EIF4G3: variants seen among roughly 807,000 people sequenced by gnomAD.
The protein encoded by EIF4G3 is eIF-4-gamma 3.
In EIF4G3, 34 loss-of-function variants were observed where a neutral mutation model predicts 186.4. That is an observed-to-expected ratio of 0.18 (90% confidence interval 0.14 to 0.24). The LOEUF (loss-of-function observed/expected upper bound fraction) is 0.24. Among genes scored for constraint, EIF4G3 ranks in the 10% least tolerant of loss-of-function variants. EIF4G3 has a pLI of 1.00. For synonymous variants in EIF4G3, 673 were observed against 679.5 expected (o/e 0.99, Z 0.15); for missense variants, 1,536 against 1,948.5 (o/e 0.79, Z 3.99).
At chr1:21,062,121 C>T (rs1571927049) in intron 3 of EIF4G3, among the ~76,000 whole-genome samples, 1 of 151,946 alleles carries the variant, frequency 6.6e-6, no homozygotes, top group South Asian at 2.1e-4. Flanking sequence ...CATAGTAGTG[C>T]GATCATAGCC....
chr1:21,157,705 CATTAATT>C (rs2097689046), intron 2 of EIF4G3, among the ~76,000 whole-genome samples: 1 of 152,150 alleles, frequency 6.6e-6, no homozygotes, highest in South Asian at 2.1e-4. Context: ...ATATTTGCTC[CATTAATT>C]ATTGACTAAA....
At chr1:21,107,606 T>C (rs1463374062) in intron 2 of EIF4G3, among the ~76,000 whole-genome samples, 2 of 152,216 alleles carry the variant, frequency 1.3e-5, no homozygotes, top group East Asian at 3.8e-4. Context: ...GTCCAATGTA[T>C]AAAGTTTTAT....
intron 2 of EIF4G3, among the ~76,000 whole-genome samples, chr1:21,106,610 CAGG>C (rs2096623078): frequency 6.6e-6 from 1 of 151,904 alleles, no homozygotes; most frequent in Non-Finnish European, 1.5e-5. Context: ...ATGAAAAATC[CAGG>C]AGGAGATGTA....
chr1:21,106,024 G>A (rs2096611227), intron 2 of EIF4G3, among the ~76,000 whole-genome samples: 1 of 151,824 alleles, frequency 6.6e-6, no homozygotes, highest in African/African-American at 2.4e-5. Flanking sequence ...CTATGAATGT[G>A]CCACTGCACT....
intron 14 of EIF4G3, among the ~76,000 whole-genome samples, chr1:20,936,528 T>G (rs754829751): frequency 5.9e-5 from 9 of 152,228 alleles, no homozygotes; most frequent in Non-Finnish European, 1.0e-4. Context: ...AATCTACTTT[T>G]GGCCCCAGCG....
chr1:20,836,515 G>A (rs1043264885), intron 30 of EIF4G3, among the ~76,000 whole-genome samples: 6 of 152,208 alleles, frequency 3.9e-5, no homozygotes, highest in Admixed American at 3.3e-4. Context: ...CCTGGTAGCT[G>A]AGATTACAGG....
chr1:20,909,166 A>T (rs1034474214), intron 14 of EIF4G3, among the ~76,000 whole-genome samples: 2 of 152,044 alleles, frequency 1.3e-5, no homozygotes, highest in African/African-American at 4.8e-5. Context: ...AAAAAAAAAG[A>T]ATATGGAGAA....
chr1:21,085,274 T>C (rs982777652), intron 3 of EIF4G3, among the ~76,000 whole-genome samples: 1 of 152,142 alleles, frequency 6.6e-6, no homozygotes, highest in Admixed American at 6.6e-5. Context: ...CTTAGGTAAT[T>C]AGAAAACATT....
intron 3 of EIF4G3, among the ~76,000 whole-genome samples, chr1:21,078,195 T>C (rs1362343021): frequency 2.6e-5 from 4 of 152,202 alleles, no homozygotes; most frequent in Admixed American, 1.3e-4. Flanking sequence ...CTATTCACAA[T>C]AGCCAAGATG....
At chr1:20,859,539 T>C (rs1262938022) in intron 24 of EIF4G3, among the ~76,000 whole-genome samples, 2 of 152,226 alleles carry the variant, frequency 1.3e-5, no homozygotes, top group Non-Finnish European at 2.9e-5. Context: ...GTAAATGGAC[T>C]ATCGTCTCAG....
At position 21,176,246 on chromosome 1, in the gene EIF4G3, C is replaced by CGCCGCCGCCGCCGCCGCCGCTGCT. The variant is rs760373868; in HGVS notation, c.-367_-344dup. On this transcript the variant is annotated 5_prime_UTR_variant, in exon 2 of 37. Coordinates refer to ENST00000602326, the MANE Select transcript of EIF4G3 (RefSeq NM_001391906.1). ...GGGGGACCGCTGCCGCCGCCGCCGC[C>CGCCGCCGCCGCCGCCGCCGCTGCT]GCCGCCGCCGCCGCCGCCGCTGCTG... 5.3e-6 allele frequency: 2 copies of CGCCGCCGCCGCCGCCGCCGCTGCT among 374,070 alleles called. No individual in the cohort carries two copies. Among genetic ancestry groups the CGCCGCCGCCGCCGCCGCCGCTGCT allele is most frequent in the African/African-American group, 2.2e-5 (1 of 46,046 alleles). The allele number at this position is 374,070 out of a possible 1,614,324, so 23.2% of individuals were successfully genotyped here. A position where few individuals can be genotyped will look rare whatever the true frequency, so the allele number is the denominator to read the frequency against.
rs11432023 is a variant in EIF4G3, at chr1:21,129,315, C to CAA, written c.-271-40104_-271-40103dup. On this transcript the variant is annotated intron_variant, in intron 2 of 36. Coordinates refer to ENST00000602326, the MANE Select transcript of EIF4G3 (RefSeq NM_001391906.1). ...GGGCAACAAGAGCGAAACTCTATCT[C>CAA]AAAAAAAAAAAAACTGCTAAAAGTT... Among the ~76,000 whole-genome samples, 1,343 of 144,456 alleles carry CAA rather than the reference C, an allele frequency of 9.3e-3. 10 individuals carry two copies. The highest frequency in any genetic ancestry group is 0.017 in the African/African-American group (646 of 38,978). The allele number at this position is 144,456 out of a possible 152,430, so 94.8% of individuals were successfully genotyped here.
intron 2 of EIF4G3, among the ~76,000 whole-genome samples, chr1:21,130,963 T>C (rs535111081): frequency 1.9e-4 from 29 of 152,180 alleles, no homozygotes; most frequent in African/African-American, 6.0e-4. Context: ...CCAGGCACGG[T>C]GGCTCATACC....
chr1:20,877,714 C>T (rs2081264553), intron 20 of EIF4G3, among the ~76,000 whole-genome samples: 1 of 152,158 alleles, frequency 6.6e-6, no homozygotes, highest in East Asian at 1.9e-4. Flanking sequence ...TAATTTTATC[C>T]TTATAATATT....
intron 2 of EIF4G3, among the ~76,000 whole-genome samples, chr1:21,123,031 G>A (rs1225164973): frequency 4.6e-5 from 7 of 152,156 alleles, no homozygotes; most frequent in Non-Finnish European, 8.8e-5. Context: ...TATACAGCTT[G>A]ATGGCCAGGC....
intron 2 of EIF4G3, among the ~76,000 whole-genome samples, chr1:21,104,493 A>C (rs749412796): frequency 5.3e-5 from 8 of 152,254 alleles, no homozygotes; most frequent in Non-Finnish European, 1.2e-4. Flanking sequence ...TAATCATTAG[A>C]GAAATGCAAA....
chr1:20,917,062 TG>T (rs1260395227), intron 14 of EIF4G3, among the ~76,000 whole-genome samples: 81 of 152,330 alleles, frequency 5.3e-4, no homozygotes, highest in African/African-American at 1.8e-3. Flanking sequence ...CAACTTTATT[TG>T]TAATAGCCCC....
In EIF4G3 at chr1:21,136,448, C is replaced by T. The variant is rs201476489; in HGVS notation, c.-272+39727G>A. ...AGGAGAATTGCTTTAACCTGGGAGG[C>T]GGAGGTTGCAGTGAGCCGAGATCGC... is the stretch of plus-strand genomic sequence containing the variant. On this transcript the variant is annotated intron_variant, in intron 2 of 36. Transcript: ENST00000602326. Among the ~76,000 whole-genome samples the T allele has an allele frequency of 2.6e-5, 4 of 151,300 alleles. No individual in the cohort carries two copies. The East Asian group carries it at 5.8e-4, about 22-fold the overall frequency.
At chr1:20,929,797 G>C (rs193072746) in intron 14 of EIF4G3, among the ~76,000 whole-genome samples, 1 of 152,260 alleles carries the variant, frequency 6.6e-6, no homozygotes, top group East Asian at 1.9e-4. Context: ...CAAGGAAAAA[G>C]GGTAAGACTC....
Sources: gnomAD v4.1 joint callset for allele counts (sites outside exome capture counted in the v4.1 genomes callset) on GRCh38, gnomAD v4.1.1 for gene constraint, MANE v1.5 for transcripts, NCBI Gene and HGNC (gene_info 2026-07-23, HGNC 2026-07-21) for gene names.